NPFFR1: variants seen among roughly 807,000 people sequenced by gnomAD.
NPFFR1 encodes the protein G-protein coupled receptor 147.
A neutral mutation model predicts 12.7 loss-of-function variants in NPFFR1; 17 were observed. That is an observed-to-expected ratio of 1.34 (90% CI 0.92 to 2.01). The LOEUF is 2.01. NPFFR1 is among the 30% of genes most tolerant of loss of function. The pLI is 0.00. For synonymous variants in NPFFR1, 296 were observed against 264.5 expected (o/e 1.12, Z -1.16); for missense variants, 604 against 606.5 (o/e 1.00, Z 0.04).
chr10:70,259,018 G>C (rs1372458321), intron 3 of NPFFR1, among the ~76,000 whole-genome samples: 1 of 152,192 alleles, frequency 6.6e-6, no homozygotes, highest in Non-Finnish European at 1.5e-5. Flanking sequence ...GAAAGCTCCA[G>C]AGAATAGTGG....
At chr10:70,265,830 G>A (rs1840683858) in intron 2 of NPFFR1, among the ~76,000 whole-genome samples, 1 of 152,194 alleles carries the variant, frequency 6.6e-6, no homozygotes, top group Non-Finnish European at 1.5e-5. Flanking sequence ...TTGTTGTGAG[G>A]ATGAATTAAG....
intron 1 of NPFFR1, among the ~76,000 whole-genome samples, chr10:70,277,402 C>T (rs950428499): frequency 2.6e-5 from 4 of 152,198 alleles, no homozygotes; most frequent in African/African-American, 9.7e-5. Flanking sequence ...TGCTCAATTC[C>T]CAGGCTGGTG....
chr10:70,280,188 G>A (rs1298472991), intron 1 of NPFFR1, among the ~76,000 whole-genome samples: 1 of 152,190 alleles, frequency 6.6e-6, no homozygotes, highest in Non-Finnish European at 1.5e-5. Context: ...CAATAAACAC[G>A]GTGGTGCAAA....
At chr10:70,272,148 G>GGA (rs10559441) in intron 1 of NPFFR1, among the ~76,000 whole-genome samples, 9 of 134,274 alleles carry the variant, frequency 6.7e-5, no homozygotes, top group Non-Finnish European at 1.4e-4. Flanking sequence ...AAAGAGAAAG[G>GGA]GAGAGAGAGA....
At chr10:70,268,535 C>T (rs912251163) in intron 1 of NPFFR1, among the ~76,000 whole-genome samples, 23 of 152,272 alleles carry the variant, frequency 1.5e-4, no homozygotes, top group African/African-American at 5.5e-4. Context: ...TCTTGGGACT[C>T]TCGTGCAGCT....
At chr10:70,264,330 C>A (rs1840666140) in intron 2 of NPFFR1, among the ~76,000 whole-genome samples, 1 of 136,272 alleles carries the variant, frequency 7.3e-6, no homozygotes, top group African/African-American at 2.8e-5. Context: ...GCCGAGATCC[C>A]AGCACTGCAT....
At chr10:70,266,056 C>G in intron 2 of NPFFR1, 21 bp downstream of exon 2, 1 of 1,606,232 alleles carries the variant, frequency 6.2e-7, no homozygotes, top group Non-Finnish European at 8.5e-7. Context: ...GACACTCCTG[C>G]TGCCAACTGC....
chr10:70,277,881 T>G, intron 1 of NPFFR1: 1 of 506,638 alleles, frequency 2.0e-6, no homozygotes, highest in Non-Finnish European at 3.9e-6. Context: ...CGGCTAACCA[T>G]AGCAACTCTG....
chr10:70,273,744 C>A (rs1840773501), intron 1 of NPFFR1, among the ~76,000 whole-genome samples: 1 of 152,184 alleles, frequency 6.6e-6, no homozygotes, highest in Non-Finnish European at 1.5e-5. Flanking sequence ...ACAGCTTTTC[C>A]TTCCATTGGA....
Position 70,255,396 on chromosome 10 carries a change from G to T in NPFFR1, c.854C>A (p.Pro285Gln). 1 of 1,547,200 alleles carries T rather than the reference G, an allele frequency of 6.5e-7. No homozygotes were observed. Among genetic ancestry groups the T allele is most frequent in the Non-Finnish European group, 8.7e-7 (1 of 1,148,398 alleles). ...GATGAGCAGCAGCAGCGCCCAGAGC[G>T]GCAGCCAGGACAGCGTGAAGAACAG... is the stretch of plus-strand genomic sequence containing the variant. The part of the protein sequence containing the change: ...VALFFTLSWL[P>Q]LWALLLLIDY... Residue 285 changes from proline (P) to glutamine (Q), a missense_variant, in exon 4 of 4, where the codon CCG becomes CAG. Physicochemically the swap from Pro to Gln is moderately conservative, Grantham distance 76. Coordinates refer to ENST00000277942, the MANE Select transcript of NPFFR1 (RefSeq NM_022146.5). The surrounding 1 kb of genome is among the most constrained non-coding windows in gnomAD (Gnocchi z 4.2).
chr10:70,255,113 GC>G lies in NPFFR1; in HGVS notation c.1136del (p.Ser379ThrfsTer81). ...HRRVFVVVRP[S>X]DSGLPSESGP... is the part of the protein sequence containing the mutation. ...CCGACTCAGAGGGCAGCCCGGAGTC[GC>G]TGGGCCGCACCACCACGAAGACCCG... On this transcript the variant is annotated frameshift_variant, in exon 4 of 4. Coordinates refer to ENST00000277942, the MANE Select transcript of NPFFR1 (RefSeq NM_022146.5). LOFTEE classifies it low-confidence loss of function (END_TRUNC). This position sits in a 1 kb window ranked among gnomAD's most constrained non-coding sequence, Gnocchi z 4.2. 3 of 1,495,414 alleles carry G rather than the reference GC, an allele frequency of 2.0e-6. No individual in the cohort carries two copies. Among genetic ancestry groups the G allele is most frequent in the Non-Finnish European group, 2.7e-6 (3 of 1,126,134 alleles). The allele number at this position is 1,495,414 out of a possible 1,614,324, so 92.6% of individuals were successfully genotyped here.
intron 2 of NPFFR1, among the ~76,000 whole-genome samples, chr10:70,262,753 GAT>G (rs1309394189): frequency 6.6e-6 from 1 of 152,152 alleles, no homozygotes; most frequent in Non-Finnish European, 1.5e-5. Context: ...TAGAAATAAA[GAT>G]ATGTGTGTTA....
chr10:70,283,809 C>T lies in NPFFR1; in HGVS notation c.-133G>A. The T allele has an allele frequency of 6.0e-6, 6 of 1,001,088 alleles. No individual in the cohort carries two copies. In the South Asian group the frequency reaches 9.1e-5, roughly 15 times the overall value. The allele number at this position is 1,001,088 out of a possible 1,614,324, so 62.0% of individuals were successfully genotyped here. ...CCCCTGCCTCCGCGCTCCGCAGGTC[C>T]GGTCGGTCCGGGCAGAGGTGAGCAG... On this transcript the variant is annotated 5_prime_UTR_variant, in exon 1 of 4. Transcript: ENST00000277942.
intron 1 of NPFFR1, among the ~76,000 whole-genome samples, chr10:70,280,343 C>T (rs936795547): frequency 7.2e-5 from 11 of 152,206 alleles, no homozygotes; most frequent in African/African-American, 2.7e-4. Context: ...TACATTCCCA[C>T]CAACACCACA....
intron 2 of NPFFR1, among the ~76,000 whole-genome samples, chr10:70,262,312 TA>T (rs1022780226): frequency 1.3e-5 from 2 of 152,178 alleles, no homozygotes; most frequent in Non-Finnish European, 2.9e-5. Flanking sequence ...AAATGAATAA[TA>T]TTGTATTTAA....
At chr10:70,259,618 C>CA (rs552984023) in intron 3 of NPFFR1, among the ~76,000 whole-genome samples, 40 of 152,228 alleles carry the variant, frequency 2.6e-4, no homozygotes, top group African/African-American at 8.2e-4. Context: ...CACTGAGTTA[C>CA]AAAAAACTGG....
intron 1 of NPFFR1, among the ~76,000 whole-genome samples, chr10:70,277,033 C>T (rs1488362787): frequency 3.9e-5 from 6 of 152,220 alleles, no homozygotes; most frequent in Non-Finnish European, 8.8e-5. Flanking sequence ...GAATGGGCCA[C>T]TCAATGATTG....
At chr10:70,263,890 T>C (rs924846657) in intron 2 of NPFFR1, among the ~76,000 whole-genome samples, 2 of 151,926 alleles carry the variant, frequency 1.3e-5, no homozygotes, top group Admixed American at 1.3e-4. Flanking sequence ...GGCGGGCAGA[T>C]GGCTTGAACC....
chr10:70,255,189 C>T lies in NPFFR1; in HGVS notation c.1061G>A (p.Gly354Glu), dbSNP rs760286290. The T allele has an allele frequency of 1.7e-5, 27 of 1,549,758 alleles. No individual in the cohort carries two copies. The highest frequency in any genetic ancestry group is 2.3e-5 in the Non-Finnish European group (26 of 1,150,496). Residue 354 changes from glycine to glutamate, a missense_variant, in exon 4 of 4, where the codon GGG becomes GAG. Coordinates refer to ENST00000277942, the MANE Select transcript of NPFFR1 (RefSeq NM_022146.5). This position sits in a 1 kb window ranked among gnomAD's most constrained non-coding sequence, Gnocchi z 4.2. ...FRARLCPRPS[G>E]SHKEAYSERP... ...CTCGGAGTAGGCCTCCTTGTGGCTCCCCGACGGGCGCGGGCAGAGGCGGGC... is the reference window on the plus strand; with the variant it reads ...CTCGGAGTAGGCCTCCTTGTGGCTCTCCGACGGGCGCGGGCAGAGGCGGGC...
Sources: allele counts gnomAD v4.1 joint callset (sites outside exome capture counted in the v4.1 genomes callset), GRCh38; gene constraint gnomAD v4.1.1; non-coding constraint Gnocchi (gnomAD v3.1); transcripts MANE v1.5; gene names NCBI Gene and HGNC (gene_info 2026-07-23, HGNC 2026-07-21).